The following ZPBP variants were observed in gnomAD, a reference collection of about 807,000 sequenced individuals.
ZPBP encodes the protein zona pellucida-binding protein 1.
In ZPBP, 26 loss-of-function variants were observed where a neutral mutation model predicts 44.8. That is an observed-to-expected ratio of 0.58 (90% CI 0.43 to 0.81). The LOEUF is 0.81. Among genes scored for constraint, ZPBP ranks in the 30% least tolerant of loss-of-function variants. ZPBP has a pLI of 0.00. For missense variants in ZPBP, 409 were observed against 434.0 expected, an observed-to-expected ratio of 0.94 and a Z score of 0.51; for synonymous variants, 174 against 153.2, an observed-to-expected ratio of 1.14 and a Z score of -1.00.
At chr7:50,002,419 A>G (rs1798140195) in intron 6 of ZPBP, among the ~76,000 whole-genome samples, 1 of 152,068 alleles carries the variant, frequency 6.6e-6, no homozygotes, top group African/African-American at 2.4e-5. Context: ...ACAGGGTATC[A>G]TTATGTTTCC....
chr7:49,887,621 T>TGTCTATATGATAATCAGATGTCAATGGC (rs1791957923), intron 2 of ZPBP, among the ~76,000 whole-genome samples: 1 of 152,168 alleles, frequency 6.6e-6, no homozygotes, highest in African/African-American at 2.4e-5. Context: ...TTTCCATTTG[T>TGTCTATATGATAATCAGATGTCAATGGC]ACAGGATTCA....
intron 4 of ZPBP, among the ~76,000 whole-genome samples, chr7:50,040,042 T>C (rs531353765): frequency 6.6e-6 from 1 of 152,278 alleles, no homozygotes; most frequent in South Asian, 2.1e-4. Context: ...AAAATATTCA[T>C]TTAATTCAAC....
At chr7:50,042,734 T>C (rs918583825) in intron 4 of ZPBP, among the ~76,000 whole-genome samples, 16 of 152,024 alleles carry the variant, frequency 1.1e-4, no homozygotes, top group Admixed American at 1.0e-3. Context: ...GTAAAGAACA[T>C]CAACACTATG....
chr7:49,851,631 G>A (rs954279094), intron 2 of ZPBP, among the ~76,000 whole-genome samples: 9 of 152,302 alleles, frequency 5.9e-5, no homozygotes, highest in Admixed American at 2.6e-4. Context: ...AGGCCGAGGC[G>A]GGTGGATCAT....
chr7:49,852,165 C>T (rs1014295795), intron 2 of ZPBP, among the ~76,000 whole-genome samples: 3 of 152,230 alleles, frequency 2.0e-5, no homozygotes, highest in African/African-American at 7.2e-5. Flanking sequence ...TCTCTCTGCC[C>T]TGTGGCCACT....
chr7:49,891,064 T>A (rs1792106500), intron 2 of ZPBP, among the ~76,000 whole-genome samples: 1 of 152,218 alleles, frequency 6.6e-6, no homozygotes, highest in Admixed American at 6.5e-5. Flanking sequence ...TTAAATATAT[T>A]TTTAAGACAA....
rs140090115 is a variant in ZPBP at position 50,086,876 on chromosome 7, T to A, written c.208+2753A>T. Reference sequence around the variant, plus strand: ...TTATGATAAACTTAAAGGAAATCCATAGCCAGACACATCATAATCAAACTG... The same window carrying A: ...TTATGATAAACTTAAAGGAAATCCAAAGCCAGACACATCATAATCAAACTG... On this transcript the variant is annotated intron_variant, in intron 2 of 7. Coordinates refer to ENST00000046087, the MANE Select transcript of ZPBP (RefSeq NM_007009.3). Among the ~76,000 whole-genome samples the A allele has an allele frequency of 2.3e-3, 346 of 152,160 alleles. 2 individuals carry two copies. The highest frequency in any genetic ancestry group is 4.5e-3 in the Admixed American group (68 of 15,262).
rs549214609 is a variant in ZPBP, at chr7:49,860,266, G to A, written n.510-9752C>T. 3.9e-5 allele frequency among the ~76,000 whole-genome samples: 6 copies of A among 152,102 alleles called. No homozygotes were observed. In the South Asian group the frequency reaches 1.2e-3, roughly 32 times the overall value. On this transcript the variant is annotated intron_variant and non_coding_transcript_variant, in intron 2 of 2. Transcript: ENST00000465922. The stretch of plus-strand genomic sequence containing the variant: ...GTGGTATCTCCTCATTCCTGTCTAC[G>A]TCAGGCTCATGGTAAATTTGAATCT...
At chr7:50,028,874 C>A (rs1268024549) in intron 5 of ZPBP, among the ~76,000 whole-genome samples, 1 of 152,068 alleles carries the variant, frequency 6.6e-6, no homozygotes, top group Non-Finnish European at 1.5e-5. Flanking sequence ...ATCCTGTGTT[C>A]ACAGATTAAA....
chr7:50,085,114 C>T (rs909766487), intron 2 of ZPBP, among the ~76,000 whole-genome samples: 1 of 152,008 alleles, frequency 6.6e-6, no homozygotes, highest in African/African-American at 2.4e-5. Context: ...GAGTACAAAT[C>T]CAATATGACT....
intron 1 of ZPBP, among the ~76,000 whole-genome samples, chr7:49,924,840 G>A (rs2128748399): frequency 6.6e-6 from 1 of 152,304 alleles, no homozygotes; most frequent in East Asian, 1.9e-4. Context: ...AGGATTTGAG[G>A]AACGACACCC....
At chr7:50,089,797 AG>A in intron 1 of ZPBP, 88 bp from the exon 2 acceptor site, 1 of 1,023,894 alleles carries the variant, frequency 9.8e-7, no homozygotes, top group Admixed American at 2.0e-5. Flanking sequence ...TATTGGTTGA[AG>A]GGGAGAGCCA....
At chr7:49,938,112 G>C (rs1003974497) in intron 7 of ZPBP, among the ~76,000 whole-genome samples, 7 of 152,144 alleles carry the variant, frequency 4.6e-5, no homozygotes, top group African/African-American at 1.7e-4. Context: ...ACTGTTCCCT[G>C]GCCTGGGGGT....
Position 50,030,640 on chromosome 7 carries a change from TATAAATATAAAG to T in ZPBP, c.706+440_706+451del, listed in dbSNP as rs202085107. Among the ~76,000 whole-genome samples the T allele has an allele frequency of 4.5e-3, 688 of 152,192 alleles. 3 individuals carry two copies. The highest frequency in any genetic ancestry group is 0.016 in the African/African-American group (667 of 41,552). On this transcript the variant is annotated intron_variant, in intron 5 of 7. Transcript: ENST00000046087. Reference sequence around the variant, plus strand: ...TCCTAAGTGGTCATTCATAAACCATTATAAATATAAAGATAAATATAAAGATATAAATATAAA... The same window carrying T: ...TCCTAAGTGGTCATTCATAAACCATTATAAATATAAAGATATAAATATAAA...
intron 2 of ZPBP, among the ~76,000 whole-genome samples, chr7:50,088,188 G>A (rs184615862): frequency 8.4e-4 from 128 of 151,952 alleles, no homozygotes; most frequent in Middle Eastern, 3.4e-3. Flanking sequence ...AAGAATAATC[G>A]CTTCAACAAA....
chr7:50,002,621 C>T (rs1306434971), intron 6 of ZPBP, among the ~76,000 whole-genome samples: 1 of 152,176 alleles, frequency 6.6e-6, no homozygotes, highest in East Asian at 1.9e-4. Context: ...CTGAAGATCA[C>T]ACCAGGTCAG....
chr7:50,002,348 A>G (rs1023663171), intron 6 of ZPBP, among the ~76,000 whole-genome samples: 7 of 152,112 alleles, frequency 4.6e-5, no homozygotes, highest in African/African-American at 1.7e-4. Flanking sequence ...TGCCCTTGAC[A>G]TGTGGAGATT....
chr7:49,999,530 A>T (rs1208541092), intron 6 of ZPBP, among the ~76,000 whole-genome samples: 1 of 152,148 alleles, frequency 6.6e-6, no homozygotes, highest in Non-Finnish European at 1.5e-5. Context: ...ACCATCTGCA[A>T]GCTGGAGAAC....
At chr7:50,070,810 T>A (rs1466431508) in intron 3 of ZPBP, among the ~76,000 whole-genome samples, 1 of 152,136 alleles carries the variant, frequency 6.6e-6, no homozygotes, top group Non-Finnish European at 1.5e-5. Context: ...GAGACATGTA[T>A]TATATTGTTT....
Sources: gnomAD v4.1 joint callset for allele counts (sites outside exome capture counted in the v4.1 genomes callset) on GRCh38, gnomAD v4.1.1 for gene constraint, MANE v1.5 for transcripts, NCBI Gene and HGNC (gene_info 2026-07-23, HGNC 2026-07-21) for gene names.